Variants in RPLP1 observed in about 807,000 individuals in gnomAD.
RPLP1 encodes the protein ribosomal protein lateral stalk subunit P1, also known as large ribosomal subunit protein P1.
A neutral mutation model predicts 11.6 loss-of-function variants in RPLP1; 4 were observed. The ratio of observed to expected loss-of-function variants is 0.34; its 90% confidence interval spans 0.17 to 0.79. RPLP1 has a LOEUF of 0.79. Ranked by LOEUF, RPLP1 falls within the 30% of genes least tolerant of loss-of-function variation. The pLI, the probability that RPLP1 is intolerant of heterozygous loss-of-function variation, is 0.55. For synonymous variants in RPLP1, 54 were observed against 52.2 expected (o/e 1.03, Z -0.15); for missense variants, 133 against 142.8 (o/e 0.93, Z 0.35).
chr15:69,455,832 G>T lies in RPLP1; in HGVS notation c.*325G>T. ...TGTGTCCCCTACACTGGGGGTGGAGGGTAATACAGACCAGCTTTAGAAAGC... is the reference window on the plus strand; with the variant it reads ...TGTGTCCCCTACACTGGGGGTGGAGTGTAATACAGACCAGCTTTAGAAAGC... On this transcript the variant is annotated 3_prime_UTR_variant, in exon 4 of 4. Transcript: ENST00000260379. 1 of 247,858 alleles carries T rather than the reference G, an allele frequency of 4.0e-6. No homozygotes were observed. The highest frequency in any genetic ancestry group is 8.3e-5 in the East Asian group (1 of 12,016). The allele number at this position is 247,858 out of a possible 1,614,324, so 15.4% of individuals were successfully genotyped here. A position where few individuals can be genotyped will look rare whatever the true frequency, so the allele number is the denominator to read the frequency against.
rs1892369326 is a variant in RPLP1, at chr15:69,452,884, G to A, written c.-65G>A. ...GGAAGCTAAGGCTGCGTTGGGGTGA[G>A]GCCCTCACTTCATCCGGCGACTAGC... On this transcript the variant is annotated 5_prime_UTR_variant, in exon 1 of 4. Transcript: ENST00000260379. 1.4e-6 allele frequency: 2 copies of A among 1,432,940 alleles called. No homozygotes were observed. Among genetic ancestry groups the A allele is most frequent in the Non-Finnish European group, 9.6e-7 (1 of 1,047,030 alleles). 88.8% of individuals were successfully genotyped at this position (1,432,940 alleles called of 1,614,324 possible). A position where few individuals can be genotyped will look rare whatever the true frequency, so the allele number is the denominator to read the frequency against.
intron 2 of RPLP1, chr15:69,454,649 A>G (rs1012280584): frequency 3.9e-5 from 6 of 152,214 alleles, no homozygotes; most frequent in African/African-American, 1.4e-4. Flanking sequence ...GAAAATTTGA[A>G]TTCACTGTTA....
rs779407119 is a variant in RPLP1 at position 69,452,820 on chromosome 15, C to T, written c.-129C>T. ...GAGGCTGCGTATAGGCGCGAGAGCC[C>T]CTTTCCTCAGCTGCCGCCAAGGTGC... On this transcript the variant is annotated 5_prime_UTR_variant, in exon 1 of 4. Coordinates refer to ENST00000260379, the MANE Select transcript of RPLP1 (RefSeq NM_001003.3). The T allele has an allele frequency of 1.4e-4, 113 of 836,474 alleles. No individual in the cohort carries two copies. The highest frequency in any genetic ancestry group is 1.2e-3 in the African/African-American group (71 of 59,844). The allele number at this position is 836,474 out of a possible 1,614,324, so 51.8% of individuals were successfully genotyped here.
Position 69,455,266 on chromosome 15 carries a change from C to T in RPLP1, c.244C>T (p.Pro82Ser). ...AGAAPAGGPAPSTAAAPAEEK... is the reference protein window; with the variant it reads ...AGAAPAGGPASSTAAAPAEEK... ...TGCTGCACCAGCAGGAGGTCCTGCC[C>T]CCTCCACTGCTGCTGCTCCAGGTAG... is the stretch of plus-strand genomic sequence containing the variant. The change falls in exon 3 of 4, where the codon CCC becomes TCC. Residue 82 changes from proline (P) to serine (S), a missense_variant. By Grantham distance (74) the Pro-to-Ser change is moderately conservative. Coordinates refer to ENST00000260379, the MANE Select transcript of RPLP1 (RefSeq NM_001003.3). 2 of 1,567,132 alleles carry T rather than the reference C, an allele frequency of 1.3e-6. No homozygotes were observed. The highest frequency in any genetic ancestry group is 2.0e-5 in the Admixed American group (1 of 49,764).
intron 1 of RPLP1, chr15:69,453,383 T>G (rs551280528): frequency 1.7e-6 from 1 of 582,702 alleles, no homozygotes; most frequent in East Asian, 2.9e-5. Flanking sequence ...ATTCCCCCGG[T>G]CGTGGAGGAA....
At chr15:69,453,984 G>A in intron 2 of RPLP1, 1 of 534,798 alleles carries the variant, frequency 1.9e-6, no homozygotes, top group Non-Finnish European at 3.3e-6. Flanking sequence ...TCCCAAAAAG[G>A]GTCACTCGGG....
rs1042065792 is a variant in RPLP1 at position 69,453,161 on chromosome 15, G to C, written c.72+141G>C. The stretch of plus-strand genomic sequence containing the variant: ...CGAACACAGGCCGCATAGGGCGGGC[G>C]CTCCTCGGGGCTGGGGCCTCTCTCC... On this transcript the variant is annotated intron_variant, in intron 1 of 3. Coordinates refer to ENST00000260379, the MANE Select transcript of RPLP1 (RefSeq NM_001003.3). 5 of 767,258 alleles carry C rather than the reference G, an allele frequency of 6.5e-6. No individual in the cohort carries two copies. The African/African-American group carries it at 8.7e-5, about 13-fold the overall frequency. The allele number at this position is 767,258 out of a possible 1,614,324, so 47.5% of individuals were successfully genotyped here. A position where few individuals can be genotyped will look rare whatever the true frequency, so the allele number is the denominator to read the frequency against.
intron 2 of RPLP1, 64 bp from the exon 3 acceptor site, chr15:69,455,106 G>T: frequency 6.7e-7 from 1 of 1,499,426 alleles, no homozygotes; most frequent in Non-Finnish European, 8.9e-7. Flanking sequence ...TTTCGTTTTT[G>T]GCTGCGTGAG....
chr15:69,455,800 T>G lies in RPLP1; in HGVS notation c.*293T>G, dbSNP rs1892427458. ...AGGTTACCTGTGTAAACTTGATGAT[T>G]ATAAGGTGTGTCCCCTACACTGGGG... On this transcript the variant is annotated 3_prime_UTR_variant, in exon 4 of 4. Transcript: ENST00000260379. 1 of 382,204 alleles carries G rather than the reference T, an allele frequency of 2.6e-6. No individual in the cohort carries two copies. The highest frequency in any genetic ancestry group is 4.8e-6 in the Non-Finnish European group (1 of 210,498). 23.7% of individuals were successfully genotyped at this position (382,204 alleles called of 1,614,324 possible). A position where few individuals can be genotyped will look rare whatever the true frequency, so the allele number is the denominator to read the frequency against.
In RPLP1 at chr15:69,455,495, T is replaced by G; in HGVS notation, c.333T>G (p.Gly111=). The change falls in exon 4 of 4, where the codon GGT becomes GGG. Residue 111 remains glycine, a synonymous_variant. Coordinates refer to ENST00000260379, the MANE Select transcript of RPLP1 (RefSeq NM_001003.3). The part of the protein sequence containing the change: ...SEESDDDMGF[G]LFD ...AGTCTGATGATGACATGGGCTTTGG[T>G]CTTTTTGACTAAACCTCTTTTATAA... The G allele has an allele frequency of 1.2e-6, 2 of 1,606,044 alleles. No individual in the cohort carries two copies. The highest frequency in any genetic ancestry group is 1.7e-6 in the Non-Finnish European group (2 of 1,178,218).
chr15:69,455,266 C>A lies in RPLP1; in HGVS notation c.244C>A (p.Pro82Thr). The A allele has an allele frequency of 6.4e-7, 1 of 1,567,132 alleles. No individual in the cohort carries two copies. Among genetic ancestry groups the A allele is most frequent in the South Asian group, 1.2e-5 (1 of 83,730 alleles). Reference protein sequence around the residue: ...AGAAPAGGPAPSTAAAPAEEK... With the variant: ...AGAAPAGGPATSTAAAPAEEK... ...TGCTGCACCAGCAGGAGGTCCTGCC[C>A]CCTCCACTGCTGCTGCTCCAGGTAG... The change falls in exon 3 of 4, where the codon CCC (proline) becomes ACC (threonine). Residue 82 changes from proline (P) to threonine (T), a missense_variant. Coordinates refer to ENST00000260379, the MANE Select transcript of RPLP1 (RefSeq NM_001003.3).
At chr15:69,454,667 A>C (rs548131642) in intron 2 of RPLP1, 2 of 152,372 alleles carry the variant, frequency 1.3e-5, no homozygotes, top group African/African-American at 4.8e-5. Flanking sequence ...TTAAGAGGAG[A>C]CATGGAACTG....
At position 69,455,558 on chromosome 15, in the gene RPLP1, C is replaced by A; in HGVS notation, c.*51C>A. On this transcript the variant is annotated 3_prime_UTR_variant, in exon 4 of 4. Coordinates refer to ENST00000260379, the MANE Select transcript of RPLP1 (RefSeq NM_001003.3). ...AAAGCTGAACTTTACTGCTGTTGGT[C>A]TTGTCCATAGTTTTGGAATGTGCTC... The A allele has an allele frequency of 1.5e-6, 2 of 1,376,036 alleles. No homozygotes were observed. The highest frequency in any genetic ancestry group is 2.0e-6 in the Non-Finnish European group (2 of 994,848). The allele number at this position is 1,376,036 out of a possible 1,614,324, so 85.2% of individuals were successfully genotyped here.
Position 69,455,208 on chromosome 15 carries a change from T to G in RPLP1, c.186T>G (p.Asn62Lys). 6.2e-7 allele frequency: 1 copy of G among 1,606,906 alleles called. No individual in the cohort carries two copies. The highest frequency in any genetic ancestry group is 8.5e-7 in the Non-Finnish European group (1 of 1,176,918). The change falls in exon 3 of 4, where the codon AAT (asparagine) becomes AAG (lysine). Residue 62 changes from asparagine to lysine, a missense_variant. Asn to Lys is a moderately conservative substitution (Grantham distance 94). Transcript: ENST00000260379. ...ANVNIGSLIC[N>K]VGAGGPAPAA... is the part of the protein sequence containing the mutation. The stretch of plus-strand genomic sequence containing the variant: ...TCAACATTGGGAGCCTCATCTGCAA[T>G]GTAGGGGCCGGTGGACCTGCTCCAG...
intron 1 of RPLP1, 194 bp downstream of exon 1, chr15:69,453,214 G>C: frequency 1.6e-6 from 1 of 606,638 alleles, no homozygotes; most frequent in Non-Finnish European, 2.9e-6. Flanking sequence ...CCGGGACCAC[G>C]TGCGGGCCCA....
chr15:69,452,898 C>G lies in RPLP1; in HGVS notation c.-51C>G. ...CGTTGGGGTGAGGCCCTCACTTCATCCGGCGACTAGCACCGCGTCCGGCAG... is the reference window on the plus strand; with the variant it reads ...CGTTGGGGTGAGGCCCTCACTTCATGCGGCGACTAGCACCGCGTCCGGCAG... On this transcript the variant is annotated 5_prime_UTR_variant, in exon 1 of 4. In the 5' UTR this introduces an upstream ATG that the reference lacks. Coordinates refer to ENST00000260379, the MANE Select transcript of RPLP1 (RefSeq NM_001003.3). 1 of 1,519,008 alleles carries G rather than the reference C, an allele frequency of 6.6e-7. No homozygotes were observed. Among genetic ancestry groups the G allele is most frequent in the Non-Finnish European group, 8.9e-7 (1 of 1,122,684 alleles). 94.1% of individuals were successfully genotyped at this position (1,519,008 alleles called of 1,614,324 possible). A position where few individuals can be genotyped will look rare whatever the true frequency, so the allele number is the denominator to read the frequency against.
chr15:69,455,252 C>G lies in RPLP1; in HGVS notation c.230C>G (p.Ala77Gly), dbSNP rs758823590. Residue 77 changes from alanine (A) to glycine (G), a missense_variant, in exon 3 of 4, where the codon GCA (alanine) becomes GGA (glycine). Ala to Gly is a moderately conservative substitution (Grantham distance 60). Transcript: ENST00000260379. ...GCTCCAGCAGCTGGTGCTGCACCAGCAGGAGGTCCTGCCCCCTCCACTGCT... is the reference window on the plus strand; with the variant it reads ...GCTCCAGCAGCTGGTGCTGCACCAGGAGGAGGTCCTGCCCCCTCCACTGCT... ...GPAPAAGAAP[A>G]GGPAPSTAAA... 4.4e-6 allele frequency: 7 copies of G among 1,599,454 alleles called. No homozygotes were observed. Among genetic ancestry groups the G allele is most frequent in the African/African-American group, 2.7e-5 (2 of 74,480 alleles).
chr15:69,454,043 CTT>C, intron 2 of RPLP1: 1 of 297,038 alleles, frequency 3.4e-6, no homozygotes, highest in Admixed American at 5.1e-5. Flanking sequence ...TTTTCTTTTT[CTT>C]TTTTTTTTCT....
chr15:69,453,409 C>G, intron 1 of RPLP1: 1 of 592,792 alleles, frequency 1.7e-6, no homozygotes, highest in Non-Finnish European at 3.0e-6. Flanking sequence ...CCGAGCTCGG[C>G]TCCACCTCCC....
Sources: gnomAD v4.1 joint callset for allele counts on GRCh38, gnomAD v4.1.1 for gene constraint, MANE v1.5 for transcripts, NCBI Gene and HGNC (gene_info 2026-07-23, HGNC 2026-07-21) for gene names.